Variants in ANKRD26 observed in about 807,000 individuals in gnomAD.
ANKRD26 encodes the protein ankyrin repeat domain 26, also known as ankyrin repeat domain-containing protein 26.
In ANKRD26, 141 loss-of-function variants were observed where a neutral mutation model predicts 208.7. The observed-to-expected ratio is 0.68, with a 90% confidence interval of 0.59 to 0.78. The LOEUF (loss-of-function observed/expected upper bound fraction) is 0.78, where lower values mean the gene tolerates loss of function less well. Among genes scored for constraint, ANKRD26 ranks in the 30% least tolerant of loss-of-function variants. The pLI, the probability that ANKRD26 is intolerant of heterozygous loss-of-function variation, is 0.00. For missense variants in ANKRD26, 1,889 were observed against 1,938.7 expected (o/e 0.97, Z 0.48); for synonymous variants, 636 against 660.4 (o/e 0.96, Z 0.57).
chr10:26,955,134 A>T, the ANKRD26 span, among the ~76,000 whole-genome samples: 2 of 151,894 alleles, frequency 1.3e-5, no homozygotes, highest in African/African-American at 4.8e-5. Flanking sequence ...CCATTTAAAA[A>T]TATATATTTT....
chr10:27,035,837 C>A, intron 23 of ANKRD26, 85 bp from the exon 24 acceptor site: 1 of 1,007,952 alleles, frequency 9.9e-7, no homozygotes, highest in Non-Finnish European at 1.5e-6. Context: ...ATAAACTGTA[C>A]ATTTTACAAT....
At chr10:27,053,732 T>A (rs1179594963) in intron 15 of ANKRD26, among the ~76,000 whole-genome samples, 2 of 152,184 alleles carry the variant, frequency 1.3e-5, no homozygotes, top group Non-Finnish European at 2.9e-5. Context: ...AATACCAGGT[T>A]CAACCCATAC....
At chr10:27,014,365 T>C in intron 31 of ANKRD26, 129 bp downstream of exon 31, 2 of 692,984 alleles carry the variant, frequency 2.9e-6, no homozygotes, top group East Asian at 2.8e-5. Context: ...GTTAATTTAC[T>C]AACATTTTCC....
At chr10:26,989,440 A>C (rs74682689), downstream of ANKRD26, among the ~76,000 whole-genome samples, 209 of 152,328 alleles carry the variant, frequency 1.4e-3, no homozygotes, top group African/African-American at 4.9e-3. Context: ...CTTTGATGAA[A>C]AAGACTTATG....
Position 27,096,488 on chromosome 10 carries a change from G to A in ANKRD26, c.243-2689C>T, listed in dbSNP as rs532744815. Among the ~76,000 whole-genome samples, 4 of 152,288 alleles carry A rather than the reference G, an allele frequency of 2.6e-5. No homozygotes were observed. The South Asian group carries it at 6.2e-4, about 24-fold the overall frequency. Reference sequence around the variant, plus strand: ...CTTCAAAGATATCAACTCTGGCCTGGTGCAGTGGCTCATGCCTGTAATCCC... The same window carrying A: ...CTTCAAAGATATCAACTCTGGCCTGATGCAGTGGCTCATGCCTGTAATCCC... On this transcript the variant is annotated intron_variant, in intron 1 of 33. Transcript: ENST00000376087.
chr10:27,017,413 T>C (rs2053332953), intron 30 of ANKRD26, 89 bp downstream of exon 30: 4 of 1,372,870 alleles, frequency 2.9e-6, no homozygotes, highest in Non-Finnish European at 4.1e-6. Flanking sequence ...CAAATTGCTA[T>C]AAGGGATGTA....
At chr10:26,971,933 A>G (rs2052148676), downstream of ANKRD26, among the ~76,000 whole-genome samples, 2 of 151,792 alleles carry the variant, frequency 1.3e-5, no homozygotes, top group East Asian at 3.9e-4. Context: ...TCCCTCTCCT[A>G]TTAGAAAATT....
rs1282027489 is a variant in ANKRD26, at chr10:27,086,531, A to T, written c.709+8T>A. On this transcript the variant is annotated splice_region_variant and intron_variant, in intron 5 of 33. Transcript: ENST00000376087. ...TTACCAAGAGAAATTCACTATTGGAAGTCTTACCTGAATTACTATTTTGAG... is the reference window on the plus strand; with the variant it reads ...TTACCAAGAGAAATTCACTATTGGATGTCTTACCTGAATTACTATTTTGAG... The T allele has an allele frequency of 1.9e-6, 3 of 1,605,282 alleles. No individual in the cohort carries two copies. The highest frequency in any genetic ancestry group is 2.6e-6 in the Non-Finnish European group (3 of 1,174,912).
At chr10:27,082,669 A>AGAT (rs754949136) in intron 6 of ANKRD26, 134 bp downstream of exon 6, 9 of 1,310,088 alleles carry the variant, frequency 6.9e-6, no homozygotes, top group Non-Finnish European at 9.2e-6. Context: ...AATATAGCAC[A>AGAT]GATACTTTGC....
At chr10:27,011,930 G>C (rs2053127365) in intron 32 of ANKRD26, among the ~76,000 whole-genome samples, 1 of 152,120 alleles carries the variant, frequency 6.6e-6, no homozygotes, top group Admixed American at 6.5e-5. Flanking sequence ...CAATTGCCCA[G>C]TAATAGACAC....
chr10:27,085,148 T>C (rs1395410892), intron 5 of ANKRD26, among the ~76,000 whole-genome samples: 2 of 151,934 alleles, frequency 1.3e-5, no homozygotes, highest in African/African-American at 4.8e-5. Context: ...TCACCCAGGC[T>C]GGAGTGCAGT....
At chr10:27,051,505 C>G (rs887057811) in intron 16 of ANKRD26, 5 of 1,029,658 alleles carry the variant, frequency 4.9e-6, no homozygotes, top group Non-Finnish European at 4.7e-6. Flanking sequence ...CCTGTAACTA[C>G]TTCTGGGTTC....
intron 9 of ANKRD26, among the ~76,000 whole-genome samples, chr10:27,074,052 T>C (rs2055601713): frequency 6.6e-6 from 1 of 151,576 alleles, no homozygotes; most frequent in Non-Finnish European, 1.5e-5. Flanking sequence ...AATTCAAAAA[T>C]AATTACAAGA....
chr10:27,089,612 C>A (rs560333832), intron 4 of ANKRD26, among the ~76,000 whole-genome samples: 1 of 152,212 alleles, frequency 6.6e-6, no homozygotes, highest in Admixed American at 6.5e-5. Flanking sequence ...AGCAACATGG[C>A]AAAACTCATC....
Position 27,005,635 on chromosome 10 carries a change from T to C in ANKRD26, c.5088A>G (p.Ala1696=). Residue 1696 remains alanine (A), a synonymous_variant, in exon 34 of 34, where the codon GCA becomes GCG. Transcript: ENST00000376087. ...SNLNQDLVWK[A]SREYVQVLKK... ...TTAAAACCTGTACATATTCTCTTGATGCTTTCCAAACTAGATCTTGATTTA... is the reference window on the plus strand; with the variant it reads ...TTAAAACCTGTACATATTCTCTTGACGCTTTCCAAACTAGATCTTGATTTA... 6.2e-7 allele frequency: 1 copy of C among 1,613,218 alleles called. No individual in the cohort carries two copies. Among genetic ancestry groups the C allele is most frequent in the Non-Finnish European group, 8.5e-7 (1 of 1,179,506 alleles).
At chr10:27,016,579 G>GT (rs71281566) in intron 30 of ANKRD26, among the ~76,000 whole-genome samples, 71,572 of 145,664 alleles carry the variant, frequency 0.49, 19,053 homozygotes, top group Non-Finnish European at 0.62. Flanking sequence ...GCCCAGCTTT[G>GT]TTTTTTTTTT....
Position 27,040,270 on chromosome 10 carries a change from C to A in ANKRD26, c.2162-92G>T, listed in dbSNP as rs866652870. On this transcript the variant is annotated intron_variant, in intron 20 of 33. Transcript: ENST00000376087. ...AACATTCACTCATTAAGACACTGAC[C>A]AATTACATATTGAGGGCCTACAATG... 48 of 918,246 alleles carry A rather than the reference C, an allele frequency of 5.2e-5. No homozygotes were observed. The Middle Eastern group carries it at 1.3e-3, about 25-fold the overall frequency. The allele number at this position is 918,246 out of a possible 1,614,324, so 56.9% of individuals were successfully genotyped here.
chr10:26,969,268 A>G (rs2052110516), downstream of ANKRD26, among the ~76,000 whole-genome samples: 1 of 152,144 alleles, frequency 6.6e-6, no homozygotes, highest in South Asian at 2.1e-4. Flanking sequence ...CTCTGTGTAT[A>G]GAGGTTTTAC....
intron 32 of ANKRD26, among the ~76,000 whole-genome samples, chr10:27,012,626 C>T (rs987796385): frequency 1.3e-5 from 2 of 152,066 alleles, no homozygotes; most frequent in East Asian, 1.9e-4. Flanking sequence ...ACCAGCCTGG[C>T]AATATGTGAA....
Sources: allele counts gnomAD v4.1 joint callset (sites outside exome capture counted in the v4.1 genomes callset), GRCh38; gene constraint gnomAD v4.1.1; transcripts MANE v1.5; gene names NCBI Gene and HGNC (gene_info 2026-07-23, HGNC 2026-07-21).